TAFA1: variants seen among roughly 807,000 people sequenced by gnomAD.
TAFA1 encodes the protein TAFA chemokine like family member 1.
TAFA1 carries 4 observed loss-of-function variants against 18.5 expected under a neutral mutation model. The observed-to-expected ratio is 0.22, with a 90% CI of 0.11 to 0.49. The LOEUF (loss-of-function observed/expected upper bound fraction) is 0.49. Among genes scored for constraint, TAFA1 ranks in the 20% least tolerant of loss-of-function variants. TAFA1 has a pLI of 0.98. For synonymous variants in TAFA1, 56 were observed against 55.2 expected, an observed-to-expected ratio of 1.01 and a Z score of -0.06; for missense variants, 147 against 169.0, an observed-to-expected ratio of 0.87 and a Z score of 0.72.
At chr3:68,438,130 G>T (rs369654649) in intron 3 of TAFA1, among the ~76,000 whole-genome samples, 1 of 152,102 alleles carries the variant, frequency 6.6e-6, no homozygotes, top group East Asian at 1.9e-4. Flanking sequence ...AGATGGAGCT[G>T]GGCAGATTGC....
At chr3:68,264,365 G>A (rs2067499076) in intron 2 of TAFA1, among the ~76,000 whole-genome samples, 1 of 152,132 alleles carries the variant, frequency 6.6e-6, no homozygotes, top group African/African-American at 2.4e-5. Context: ...ATTGAAGTTT[G>A]GGAACTGTCA....
At chr3:68,161,622 A>T (rs1182246716) in intron 2 of TAFA1, among the ~76,000 whole-genome samples, 1 of 152,246 alleles carries the variant, frequency 6.6e-6, no homozygotes, top group African/African-American at 2.4e-5. Flanking sequence ...TAGGCAGGAT[A>T]GTAGGATGGA....
chr3:68,010,259 C>T (rs1398607427), intron 2 of TAFA1, among the ~76,000 whole-genome samples: 3 of 152,146 alleles, frequency 2.0e-5, no homozygotes, highest in Non-Finnish European at 4.4e-5. Flanking sequence ...GGCACTTTGG[C>T]TGTTCCTTGC....
intron 3 of TAFA1, among the ~76,000 whole-genome samples, chr3:68,499,442 CTTTCTTTT>C (rs2072617192): frequency 1.1e-5 from 1 of 88,080 alleles, no homozygotes; most frequent in Non-Finnish European, 2.2e-5. Context: ...TTCTGTGTTC[CTTTCTTTT>C]TTTTTTTTTT....
At chr3:68,235,776 A>T (rs919016006) in intron 2 of TAFA1, among the ~76,000 whole-genome samples, 2 of 152,168 alleles carry the variant, frequency 1.3e-5, no homozygotes, top group African/African-American at 4.8e-5. Flanking sequence ...TGCTGGACTT[A>T]AAACTGGCCG....
intron 3 of TAFA1, among the ~76,000 whole-genome samples, chr3:68,532,880 A>AAAT (rs3037452): frequency 0.11 from 15,440 of 146,348 alleles, 896 homozygotes; most frequent in African/African-American, 0.13. Flanking sequence ...TTGTAAAGCA[A>AAAT]AATAATAATA....
intron 2 of TAFA1, among the ~76,000 whole-genome samples, chr3:68,212,433 A>G (rs2066608216): frequency 6.6e-6 from 1 of 151,984 alleles, no homozygotes; most frequent in Admixed American, 6.6e-5. Context: ...TACTAGTTAA[A>G]AAATAGAGGG....
intron 2 of TAFA1, among the ~76,000 whole-genome samples, chr3:68,367,747 CTGTT>C (rs145539567): frequency 3.3e-5 from 5 of 152,022 alleles, no homozygotes; most frequent in Non-Finnish European, 4.4e-5. Context: ...CTTGTGTTGC[CTGTT>C]TGTTTGTTTG....
At chr3:68,048,104 T>C (rs190259081) in intron 2 of TAFA1, among the ~76,000 whole-genome samples, 128 of 152,262 alleles carry the variant, frequency 8.4e-4, no homozygotes, top group African/African-American at 2.9e-3. Flanking sequence ...TCCTGCTTTA[T>C]GAAATGTAAG....
At chr3:68,262,132 G>T (rs1288709038) in intron 2 of TAFA1, among the ~76,000 whole-genome samples, 1 of 151,200 alleles carries the variant, frequency 6.6e-6, no homozygotes, top group African/African-American at 2.4e-5. Context: ...TTGTCAACTT[G>T]ACCAAAATAC....
intron 2 of TAFA1, among the ~76,000 whole-genome samples, chr3:68,389,772 C>G (rs1471866142): frequency 6.6e-6 from 1 of 152,072 alleles, no homozygotes; most frequent in African/African-American, 2.4e-5. Context: ...GAGAAACTCC[C>G]TCCCCTAGCC....
intron 2 of TAFA1, among the ~76,000 whole-genome samples, chr3:68,387,231 C>A (rs2070124803): frequency 6.6e-6 from 1 of 152,032 alleles, no homozygotes; most frequent in East Asian, 1.9e-4. Flanking sequence ...ATTGTACTTT[C>A]AGTGATAATT....
At chr3:68,212,182 G>T (rs1015629454) in intron 2 of TAFA1, among the ~76,000 whole-genome samples, 5 of 151,638 alleles carry the variant, frequency 3.3e-5, no homozygotes, top group Non-Finnish European at 7.4e-5. Flanking sequence ...GCTGCTTGGG[G>T]AGAGGAGGGG....
chr3:68,305,373 A>G (rs1367315557), intron 2 of TAFA1, among the ~76,000 whole-genome samples: 2 of 141,758 alleles, frequency 1.4e-5, no homozygotes, highest in Non-Finnish European at 3.0e-5. Context: ...CTATATATAA[A>G]TGGCTATATA....
chr3:68,251,488 G>A (rs1433540287), intron 2 of TAFA1, among the ~76,000 whole-genome samples: 1 of 152,138 alleles, frequency 6.6e-6, no homozygotes. Flanking sequence ...AGGTGCTATG[G>A]ATATAGCAAT....
intron 3 of TAFA1, among the ~76,000 whole-genome samples, chr3:68,479,167 G>T (rs1019506231): frequency 2.7e-5 from 4 of 146,406 alleles, no homozygotes; most frequent in Non-Finnish European, 6.0e-5. Flanking sequence ...GGAGGTGGAG[G>T]TTGCAGTGAG....
intron 2 of TAFA1, among the ~76,000 whole-genome samples, chr3:68,320,644 G>A (rs2068684107): frequency 6.6e-6 from 1 of 152,128 alleles, no homozygotes; most frequent in African/African-American, 2.4e-5. Context: ...GGCCAGAGGT[G>A]GCTCCCTGTT....
intron 3 of TAFA1, among the ~76,000 whole-genome samples, chr3:68,479,537 T>C (rs993679088): frequency 6.6e-6 from 1 of 152,138 alleles, no homozygotes; most frequent in African/African-American, 2.4e-5. Flanking sequence ...GAACAGTCTC[T>C]TCCTGATGGA....
At chr3:68,043,219 TG>T (rs1705203676) in intron 2 of TAFA1, among the ~76,000 whole-genome samples, 1 of 152,186 alleles carries the variant, frequency 6.6e-6, no homozygotes, top group South Asian at 2.1e-4. Context: ...GAGAGTACAC[TG>T]CTTTATGTAA....
Sources: gnomAD v4.1 joint callset for allele counts (sites outside exome capture counted in the v4.1 genomes callset) on GRCh38, gnomAD v4.1.1 for gene constraint, MANE v1.5 for transcripts, NCBI Gene and HGNC (gene_info 2026-07-23, HGNC 2026-07-21) for gene names.